CACNA1B: variants seen among roughly 807,000 people sequenced by gnomAD.
CACNA1B encodes the protein voltage-dependent N-type calcium channel subunit alpha-1B.
Under a neutral mutation model 247.2 loss-of-function variants are expected in CACNA1B, and 70 were observed. That is an observed-to-expected ratio of 0.28 (90% CI 0.23 to 0.35). The LOEUF (loss-of-function observed/expected upper bound fraction) is 0.35. CACNA1B is among the 10% of genes least tolerant of loss of function. CACNA1B has a pLI of 1.00. For missense variants in CACNA1B, 2,367 were observed against 3,197.4 expected, an observed-to-expected ratio of 0.74 and a Z score of 6.26; for synonymous variants, 1,231 against 1,294.4, an observed-to-expected ratio of 0.95 and a Z score of 1.05.
At chr9:138,022,864 C>A in intron 18 of CACNA1B, 147 bp from the exon 19 acceptor site, 1 of 1,100,764 alleles carries the variant, frequency 9.1e-7, no homozygotes, top group Non-Finnish European at 1.2e-6. Flanking sequence ...ACCTGATCCG[C>A]GTCCCCCGAG....
chr9:138,033,031 G>A (rs190827016), intron 20 of CACNA1B, among the ~76,000 whole-genome samples: 2 of 151,972 alleles, frequency 1.3e-5, no homozygotes, highest in East Asian at 3.9e-4. Flanking sequence ...TAGATCTTTT[G>A]TTATAGTCCC....
intron 3 of CACNA1B, among the ~76,000 whole-genome samples, chr9:137,893,992 C>T (rs1400951546): frequency 5.3e-5 from 8 of 152,194 alleles, no homozygotes; most frequent in Non-Finnish European, 8.8e-5. Context: ...TTTGTCATTT[C>T]GATGATCTTA....
intron 6 of CACNA1B, among the ~76,000 whole-genome samples, chr9:137,918,122 C>T (rs897026916): frequency 2.0e-5 from 3 of 152,160 alleles, no homozygotes; most frequent in African/African-American, 7.2e-5. Context: ...CCTCTTTGGT[C>T]TCCTCGCTCT....
intron 36 of CACNA1B, among the ~76,000 whole-genome samples, chr9:138,094,442 T>TAAAAAAAAAGAAAAAAA (rs1960986220): frequency 1.1e-5 from 1 of 93,762 alleles, no homozygotes; most frequent in African/African-American, 3.6e-5. Context: ...TTTACTACAG[T>TAAAAAAAAAGAAAAAAA]AAAAAAAAAA....
chr9:137,943,413 G>A (rs1321866015), intron 6 of CACNA1B, among the ~76,000 whole-genome samples: 2 of 152,186 alleles, frequency 1.3e-5, no homozygotes, highest in Non-Finnish European at 2.9e-5. Context: ...TGAATTATTT[G>A]AGAGATAAAG....
chr9:138,104,900 G>C (rs1441570702), intron 38 of CACNA1B, among the ~76,000 whole-genome samples: 2 of 152,266 alleles, frequency 1.3e-5, no homozygotes, highest in Admixed American at 6.5e-5. Flanking sequence ...GCTGGGGCCA[G>C]AGGACTGTGG....
At position 137,971,843 on chromosome 9, in the gene CACNA1B, C is replaced by T. The variant is rs1309327696; in HGVS notation, c.1543+251C>T. 6.6e-6 allele frequency among the ~76,000 whole-genome samples: 1 copy of T among 152,148 alleles called. No homozygotes were observed. Among genetic ancestry groups the T allele is most frequent in the African/African-American group, 2.4e-5 (1 of 41,438 alleles). On this transcript the variant is annotated intron_variant, in intron 11 of 46. Transcript: ENST00000371372. The surrounding 1 kb of genome is among the most constrained non-coding windows in gnomAD (Gnocchi z 4.4). ...CTGGATCTGCTAGACCCCTGTCCCT[C>T]AGCATAGTGTGAGACTGGTTGAGGG... is the stretch of plus-strand genomic sequence containing the variant.
At chr9:138,099,837 G>T (rs1961194906) in intron 37 of CACNA1B, among the ~76,000 whole-genome samples, 1 of 152,252 alleles carries the variant, frequency 6.6e-6, no homozygotes, top group Non-Finnish European at 1.5e-5. Context: ...CAACCCTGTG[G>T]TGTGAAGCCT....
At chr9:138,098,081 T>C (rs1961116512) in intron 37 of CACNA1B, among the ~76,000 whole-genome samples, 1 of 152,204 alleles carries the variant, frequency 6.6e-6, no homozygotes, top group South Asian at 2.1e-4. Flanking sequence ...TGTTTTTCAT[T>C]TGAGTCGGAA....
chr9:137,949,461 T>G (rs1957853284), intron 6 of CACNA1B, among the ~76,000 whole-genome samples: 1 of 150,928 alleles, frequency 6.6e-6, no homozygotes, highest in African/African-American at 2.4e-5. Context: ...TGTGCGTGTG[T>G]GTGTGTGGTG....
intron 6 of CACNA1B, among the ~76,000 whole-genome samples, chr9:137,949,112 T>TG (rs1957839212): frequency 3.3e-3 from 2 of 610 alleles, no homozygotes; most frequent in African/African-American, 5.6e-3. Flanking sequence ...TTGTGGTGGC[T>TG]GTGTGTCCAG....
intron 6 of CACNA1B, among the ~76,000 whole-genome samples, chr9:137,935,770 T>C (rs551801417): frequency 1.3e-5 from 2 of 152,020 alleles, no homozygotes; most frequent in East Asian, 3.9e-4. Flanking sequence ...ACCTGCTGTT[T>C]CCTGACTTTT....
chr9:137,886,921 A>G (rs538934375), intron 3 of CACNA1B, among the ~76,000 whole-genome samples: 1 of 152,004 alleles, frequency 6.6e-6, no homozygotes, highest in Non-Finnish European at 1.5e-5. Context: ...GGGGTGAGCC[A>G]TCTAGCAGCC....
At chr9:138,084,600 G>T (rs1589119027) in intron 36 of CACNA1B, among the ~76,000 whole-genome samples, 5 of 151,368 alleles carry the variant, frequency 3.3e-5, no homozygotes, top group Admixed American at 2.0e-4. Flanking sequence ...ACAAAGTTTG[G>T]AAGAGGTGAT....
At chr9:138,056,048 C>CA (rs1002750740) in intron 26 of CACNA1B, among the ~76,000 whole-genome samples, 5 of 151,748 alleles carry the variant, frequency 3.3e-5, no homozygotes, top group Admixed American at 2.0e-4. Flanking sequence ...AAAACAGAAA[C>CA]AAAAAAACAG....
intron 34 of CACNA1B, among the ~76,000 whole-genome samples, chr9:138,074,707 G>A (rs919068150): frequency 6.6e-6 from 1 of 152,240 alleles, no homozygotes. Flanking sequence ...GGCTGCATGG[G>A]CTCCCGCCCA....
chr9:138,049,793 A>C (rs1395869185), intron 24 of CACNA1B, among the ~76,000 whole-genome samples: 1 of 152,222 alleles, frequency 6.6e-6, no homozygotes, highest in Non-Finnish European at 1.5e-5. Context: ...TTGGGGCATT[A>C]GACGTCTCCT....
At chr9:137,879,197 G>A in intron 2 of CACNA1B, 38 bp downstream of exon 2, 2 of 1,359,280 alleles carry the variant, frequency 1.5e-6, no homozygotes, top group Non-Finnish European at 2.1e-6. Flanking sequence ...GGGTGGTGGG[G>A]AGGCCGCGAC....
chr9:138,023,068 A>C lies in CACNA1B; in HGVS notation c.2325A>C (p.Leu775=). ...RSVWEQRASQ[L]RLQNLRASCE... ...TGTGGGAGCAGCGGGCCAGCCAGCT[A>C]CGGCTGCAGAACCTGCGGGCCAGCT... Residue 775 remains leucine, a synonymous_variant, in exon 19 of 47, where the codon CTA becomes CTC. Coordinates refer to ENST00000371372, the MANE Select transcript of CACNA1B (RefSeq NM_000718.4). 1 of 1,529,496 alleles carries C rather than the reference A, an allele frequency of 6.5e-7. No homozygotes were observed. Among genetic ancestry groups the C allele is most frequent in the Non-Finnish European group, 8.7e-7 (1 of 1,144,798 alleles). 94.7% of individuals were successfully genotyped at this position (1,529,496 alleles called of 1,614,324 possible). A position where few individuals can be genotyped will look rare whatever the true frequency, so the allele number is the denominator to read the frequency against.
Sources: gnomAD v4.1 joint callset for allele counts (sites outside exome capture counted in the v4.1 genomes callset) on GRCh38, gnomAD v4.1.1 for gene constraint, Gnocchi (gnomAD v3.1) non-coding constraint, MANE v1.5 for transcripts, NCBI Gene and HGNC (gene_info 2026-07-23, HGNC 2026-07-21) for gene names.